The following UST variants were observed in gnomAD, a reference collection of about 807,000 sequenced individuals.
The protein encoded by UST is uronyl 2-sulfotransferase.
A neutral mutation model predicts 45.6 loss-of-function variants in UST; 21 were observed. That is an observed-to-expected ratio of 0.46 (90% CI 0.33 to 0.66). The LOEUF (loss-of-function observed/expected upper bound fraction) is 0.66. Among genes scored for constraint, UST ranks in the 30% least tolerant of loss-of-function variants. UST has a pLI of 0.02. For synonymous variants in UST, 215 were observed against 200.6 expected (o/e 1.07, Z -0.61); for missense variants, 463 against 512.4 (o/e 0.90, Z 0.93).
At chr6:148,936,516 G>A (rs1780028712) in intron 2 of UST, among the ~76,000 whole-genome samples, 1 of 146,112 alleles carries the variant, frequency 6.8e-6, no homozygotes, top group Non-Finnish European at 1.5e-5. Flanking sequence ...GATGAAAAGG[G>A]TTTACATGTC....
intron 2 of UST, among the ~76,000 whole-genome samples, chr6:148,925,704 C>G (rs984911282): frequency 6.6e-6 from 1 of 152,196 alleles, no homozygotes; most frequent in Admixed American, 6.5e-5. Context: ...TGGTCACTCC[C>G]CATGATGACT....
chr6:148,765,563 G>A (rs182804860), intron 1 of UST, among the ~76,000 whole-genome samples: 3 of 152,152 alleles, frequency 2.0e-5, no homozygotes, highest in Admixed American at 1.3e-4. Flanking sequence ...TAATACAATC[G>A]TCACAGGGTC....
intron 1 of UST, among the ~76,000 whole-genome samples, chr6:148,841,086 A>G (rs1332573210): frequency 6.6e-6 from 1 of 151,798 alleles, no homozygotes; most frequent in Non-Finnish European, 1.5e-5. Flanking sequence ...GTAAAATTAC[A>G]ATGACTCTTA....
At position 148,763,464 on chromosome 6, in the gene UST, G is replaced by T. The variant is rs573211369; in HGVS notation, c.247+15787G>T. Among the ~76,000 whole-genome samples, 24 of 152,150 alleles carry T rather than the reference G, an allele frequency of 1.6e-4. 2 individuals are homozygous for T. The South Asian group carries it at 4.6e-3, about 29-fold the overall frequency. On this transcript the variant is annotated intron_variant, in intron 1 of 7. Coordinates refer to ENST00000367463, the MANE Select transcript of UST (RefSeq NM_005715.3). ...TTTTCTCCCTTTCTGCAAGTTGTTTGTTTACTCTGTTGATTCTTTCTTTGC... is the reference window on the plus strand; with the variant it reads ...TTTTCTCCCTTTCTGCAAGTTGTTTTTTTACTCTGTTGATTCTTTCTTTGC...
chr6:148,858,734 G>A (rs555524165), intron 1 of UST, among the ~76,000 whole-genome samples: 28 of 152,138 alleles, frequency 1.8e-4, no homozygotes, highest in Non-Finnish European at 3.5e-4. Context: ...ACCTATGAGT[G>A]AGAACATGTG....
At chr6:148,795,431 T>A (rs1776930833) in intron 1 of UST, among the ~76,000 whole-genome samples, 1 of 152,216 alleles carries the variant, frequency 6.6e-6, no homozygotes, top group African/African-American at 2.4e-5. Context: ...GCTTCTGATT[T>A]GTGATACAAA....
intron 2 of UST, among the ~76,000 whole-genome samples, chr6:148,895,473 T>G (rs1321341725): frequency 3.9e-5 from 6 of 152,096 alleles, no homozygotes; most frequent in Admixed American, 3.3e-4. Flanking sequence ...TGCCCCTATT[T>G]CTACAGGAAA....
At chr6:148,781,550 A>G (rs1776644135) in intron 1 of UST, among the ~76,000 whole-genome samples, 2 of 152,266 alleles carry the variant, frequency 1.3e-5, no homozygotes, top group Non-Finnish European at 1.5e-5. Flanking sequence ...TAGAAGCTGC[A>G]ACAGGTCATC....
At chr6:148,857,609 C>A (rs1778229166) in intron 1 of UST, among the ~76,000 whole-genome samples, 1 of 152,028 alleles carries the variant, frequency 6.6e-6, no homozygotes, top group Non-Finnish European at 1.5e-5. Flanking sequence ...AGTGGCTTGA[C>A]CGATATTGTA....
chr6:148,976,615 A>G (rs1174334787), intron 5 of UST, among the ~76,000 whole-genome samples: 2 of 152,230 alleles, frequency 1.3e-5, no homozygotes, highest in African/African-American at 4.8e-5. Flanking sequence ...ATGTGTCAGT[A>G]GGATAAGTTG....
At chr6:148,753,267 C>T (rs1329481956) in intron 1 of UST, among the ~76,000 whole-genome samples, 1 of 152,146 alleles carries the variant, frequency 6.6e-6, no homozygotes, top group East Asian at 1.9e-4. Context: ...GGAGAAACGC[C>T]ATACCCTTTA....
chr6:148,861,655 A>G (rs1582859210), intron 1 of UST, among the ~76,000 whole-genome samples: 1 of 152,260 alleles, frequency 6.6e-6, no homozygotes, highest in East Asian at 1.9e-4. Context: ...ATTTCCCTCT[A>G]CACACTGCTT....
At chr6:149,053,533 TG>T (rs1776519121) in intron 7 of UST, among the ~76,000 whole-genome samples, 1 of 152,244 alleles carries the variant, frequency 6.6e-6, no homozygotes, top group Non-Finnish European at 1.5e-5. Context: ...ATGACAATTA[TG>T]GATATGACTT....
chr6:148,988,642 T>C (rs2114989408), intron 5 of UST, among the ~76,000 whole-genome samples: 1 of 151,884 alleles, frequency 6.6e-6, no homozygotes, highest in African/African-American at 2.4e-5. Flanking sequence ...ACTTTCTTTC[T>C]TGTGTTCTCC....
At chr6:149,051,740 G>A (rs1040695115) in intron 7 of UST, among the ~76,000 whole-genome samples, 2 of 152,134 alleles carry the variant, frequency 1.3e-5, no homozygotes, top group Non-Finnish European at 2.9e-5. Context: ...TTGCAGTGGC[G>A]ATGGGGGGGT....
chr6:148,845,178 T>C (rs1039380814), intron 1 of UST, among the ~76,000 whole-genome samples: 27 of 152,246 alleles, frequency 1.8e-4, no homozygotes, highest in Admixed American at 7.2e-4. Flanking sequence ...GGTCGAGTGG[T>C]TGTTCTGTTT....
intron 7 of UST, among the ~76,000 whole-genome samples, chr6:149,048,136 TTAATGAAAATATGAAAGGAATA>T (rs988148953): frequency 4.6e-5 from 7 of 151,562 alleles, no homozygotes; most frequent in African/African-American, 7.3e-5. Flanking sequence ...CATTTTTTTT[TTAATGAAAATATGAAAGGAATA>T]GAGGAAAATA....
chr6:148,866,620 A>C (rs1018368374), intron 1 of UST, among the ~76,000 whole-genome samples: 1 of 152,220 alleles, frequency 6.6e-6, no homozygotes, highest in Non-Finnish European at 1.5e-5. Flanking sequence ...AGGCTTCCCT[A>C]CCTAAACATT....
chr6:149,027,636 A>G (rs1776068359), intron 7 of UST: 1 of 152,110 alleles, frequency 6.6e-6, no homozygotes, highest in Admixed American at 6.6e-5. Context: ...CTAGGACAGG[A>G]TGAAATCCTA....
Sources: gnomAD v4.1 joint callset for allele counts (sites outside exome capture counted in the v4.1 genomes callset) on GRCh38, gnomAD v4.1.1 for gene constraint, MANE v1.5 for transcripts, NCBI Gene and HGNC (gene_info 2026-07-23, HGNC 2026-07-21) for gene names.